MKNK1: variants seen among roughly 807,000 people sequenced by gnomAD.
The protein encoded by MKNK1 is MAP kinase-interacting serine/threonine-protein kinase 1.
In MKNK1, 30 loss-of-function variants were observed where a neutral mutation model predicts 49.3. The observed-to-expected ratio is 0.61, with a 90% confidence interval of 0.46 to 0.83. The LOEUF is 0.83. MKNK1 is among the 40% of genes least tolerant of loss of function. MKNK1 has a pLI of 0.00. For missense variants in MKNK1, 423 were observed against 524.7 expected (o/e 0.81, Z 1.89); for synonymous variants, 176 against 201.7 (o/e 0.87, Z 1.08).
intron 2 of MKNK1, among the ~76,000 whole-genome samples, chr1:46,588,449 G>A (rs1027965905): frequency 6.6e-6 from 1 of 152,080 alleles, no homozygotes; most frequent in Admixed American, 6.5e-5. Flanking sequence ...AGGAATATTG[G>A]TGCCATGAAG....
At chr1:46,585,703 G>A (rs957404407) in intron 2 of MKNK1, 6 of 455,072 alleles carry the variant, frequency 1.3e-5, no homozygotes, top group Non-Finnish European at 2.7e-5. Context: ...AATTCACAGG[G>A]GACACTCAGG....
At chr1:46,562,600 C>T in intron 10 of MKNK1, 49 bp downstream of exon 10, 1 of 1,525,358 alleles carries the variant, frequency 6.6e-7, no homozygotes, top group Non-Finnish European at 8.8e-7. Context: ...CCCCCAACCA[C>T]ACTGACCCCT....
Position 46,580,461 on chromosome 1 carries a change from A to G in MKNK1, c.198+69T>C, listed in dbSNP as rs754432236. On this transcript the variant is annotated intron_variant, in intron 4 of 12. Transcript: ENST00000371945. ...CCCATTCTTATGGAATATAACATTT[A>G]TTTGGTTCAAGATGAGCTAGGAATG... 8.5e-6 allele frequency: 9 copies of G among 1,062,590 alleles called. No homozygotes were observed. In the Admixed American group the frequency reaches 8.7e-5, roughly 10 times the overall value. 65.8% of individuals were successfully genotyped at this position (1,062,590 alleles called of 1,614,324 possible).
rs891507905 is a variant in MKNK1, at chr1:46,558,865, G to A, written c.1014-65C>T. The A allele has an allele frequency of 3.1e-5, 43 of 1,386,304 alleles. No homozygotes were observed. In the African/African-American group the frequency reaches 5.0e-4, roughly 16 times the overall value. The allele number at this position is 1,386,304 out of a possible 1,614,324, so 85.9% of individuals were successfully genotyped here. A position where few individuals can be genotyped will look rare whatever the true frequency, so the allele number is the denominator to read the frequency against. On this transcript the variant is annotated intron_variant, in intron 12 of 12. Coordinates refer to ENST00000371945, the MANE Select transcript of MKNK1 (RefSeq NM_001135553.4). ...CTCTAGGGTCAGCCAGGCCAGCTCC[G>A]GGACACTCCCACTTGCTGCTGTGGC... is the stretch of plus-strand genomic sequence containing the variant.
At chr1:46,565,789 G>A (rs1362180157) in intron 8 of MKNK1, among the ~76,000 whole-genome samples, 1 of 152,156 alleles carries the variant, frequency 6.6e-6, no homozygotes, top group Non-Finnish European at 1.5e-5. Context: ...CATGAGAATG[G>A]ATGAGAATGG....
intron 9 of MKNK1, chr1:46,563,125 A>G (rs1668343830): frequency 2.6e-6 from 1 of 384,122 alleles, no homozygotes; most frequent in East Asian, 4.6e-5. Context: ...AGTTCCAGGA[A>G]TCTCCCCCTG....
chr1:46,562,265 G>T (rs1254691464), intron 10 of MKNK1, among the ~76,000 whole-genome samples: 1 of 151,740 alleles, frequency 6.6e-6, no homozygotes. Flanking sequence ...CGTGGTGGCC[G>T]GCGCCTGTAG....
chr1:46,576,622 A>G lies in MKNK1; in HGVS notation c.231T>C (p.Ser77=). The change falls in exon 5 of 13, where the codon AGT becomes AGC. Residue 77 remains serine, a synonymous_variant. Transcript: ENST00000371945. The stretch of plus-strand genomic sequence containing the variant: ...GCGTCTCCACCTCTCGAAACACCCT[A>G]CTCCGACTGTGCCCTGCTTGTTTCT... ...IIEKQAGHSR[S]RVFREVETLY... 1 of 1,613,818 alleles carries G rather than the reference A, an allele frequency of 6.2e-7. No individual in the cohort carries two copies. Among genetic ancestry groups the G allele is most frequent in the Non-Finnish European group, 8.5e-7 (1 of 1,179,920 alleles).
chr1:46,568,224 ACT>A (rs1557839300), intron 8 of MKNK1: 2 of 521,658 alleles, frequency 3.8e-6, no homozygotes, highest in East Asian at 6.5e-5. Context: ...TATTTTCCAA[ACT>A]CTCAGGCTTA....
At chr1:46,602,844 C>A (rs1019058808) in intron 1 of MKNK1, among the ~76,000 whole-genome samples, 6 of 152,140 alleles carry the variant, frequency 3.9e-5, no homozygotes, top group African/African-American at 1.4e-4. Flanking sequence ...GAAGAGGATG[C>A]AAAAGGAACT....
chr1:46,574,020 A>C (rs1246770595), intron 6 of MKNK1: 1 of 152,228 alleles, frequency 6.6e-6, no homozygotes, highest in Non-Finnish European at 1.5e-5. Flanking sequence ...GGCGTGAGCC[A>C]CTGTACCTGG....
At chr1:46,572,460 C>T (rs182869753) in intron 6 of MKNK1, among the ~76,000 whole-genome samples, 18 of 152,122 alleles carry the variant, frequency 1.2e-4, no homozygotes, top group South Asian at 2.1e-4. Flanking sequence ...CCAAGTGATC[C>T]GCCTGCCTCA....
intron 12 of MKNK1, 24 bp downstream of exon 12, chr1:46,560,210 C>G (rs1032393848): frequency 2.5e-6 from 4 of 1,613,278 alleles, no homozygotes; most frequent in African/African-American, 1.3e-5. Flanking sequence ...AAGAGCATGG[C>G]GTGGGGGTGG....
At chr1:46,565,198 G>A in intron 8 of MKNK1, 62 bp from the exon 9 acceptor site, 1 of 1,473,538 alleles carries the variant, frequency 6.8e-7, no homozygotes, top group Non-Finnish European at 9.5e-7. Flanking sequence ...AGAGGAGCCA[G>A]GCATGGCTGT....
At chr1:46,592,827 G>A (rs571572220) in intron 2 of MKNK1, among the ~76,000 whole-genome samples, 11 of 152,236 alleles carry the variant, frequency 7.2e-5, no homozygotes, top group African/African-American at 2.4e-4. Context: ...GGAAGAGGAG[G>A]GCCTCATATA....
At chr1:46,581,628 G>A (rs1283655148) in intron 3 of MKNK1, among the ~76,000 whole-genome samples, 1 of 151,612 alleles carries the variant, frequency 6.6e-6, no homozygotes, top group Admixed American at 6.6e-5. Context: ...CCTATTATGT[G>A]CCAAGTTCTG....
rs1012263079 is a variant in MKNK1, at chr1:46,575,126, G to A, written c.279-106C>T. On this transcript the variant is annotated intron_variant, in intron 5 of 12. Coordinates refer to ENST00000371945, the MANE Select transcript of MKNK1 (RefSeq NM_001135553.4). ...AAAAAAATATACAACACCTGGTAGTGGGGCAGAAACCAACTTGAAATCAGA... is the reference window on the plus strand; with the variant it reads ...AAAAAAATATACAACACCTGGTAGTAGGGCAGAAACCAACTTGAAATCAGA... 3 of 705,550 alleles carry A rather than the reference G, an allele frequency of 4.3e-6. No homozygotes were observed. The African/African-American group carries it at 5.4e-5, about 13-fold the overall frequency. 43.7% of individuals were successfully genotyped at this position (705,550 alleles called of 1,614,324 possible). A position where few individuals can be genotyped will look rare whatever the true frequency, so the allele number is the denominator to read the frequency against.
chr1:46,564,994 C>G (rs371194337), intron 9 of MKNK1, 47 bp downstream of exon 9: 167 of 1,573,220 alleles, frequency 1.1e-4, no homozygotes, highest in Non-Finnish European at 1.3e-4. Context: ...AGCTCTGGAT[C>G]AGGGAAACAC....
In MKNK1 at chr1:46,558,425, G is replaced by T; in HGVS notation, c.*150C>A. 1.3e-6 allele frequency: 1 copy of T among 752,910 alleles called. No individual in the cohort carries two copies. Among genetic ancestry groups the T allele is most frequent in the Non-Finnish European group, 2.0e-6 (1 of 489,146 alleles). 46.6% of individuals were successfully genotyped at this position (752,910 alleles called of 1,614,324 possible). On this transcript the variant is annotated 3_prime_UTR_variant, in exon 13 of 13. Coordinates refer to ENST00000371945, the MANE Select transcript of MKNK1 (RefSeq NM_001135553.4). Reference sequence around the variant, plus strand: ...CCAGGACCCTAGGGAAATGGGGGTTGATGGGAACCTCAGGGCCTTCGTAGA... The same window carrying T: ...CCAGGACCCTAGGGAAATGGGGGTTTATGGGAACCTCAGGGCCTTCGTAGA...
Sources: allele counts gnomAD v4.1 joint callset (sites outside exome capture counted in the v4.1 genomes callset), GRCh38; gene constraint gnomAD v4.1.1; transcripts MANE v1.5; gene names NCBI Gene and HGNC (gene_info 2026-07-23, HGNC 2026-07-21).